The following SLC39A14 variants were observed in gnomAD, a reference collection of about 807,000 sequenced individuals.
SLC39A14 encodes the protein metal cation symporter ZIP14.
Under a neutral mutation model 45.5 loss-of-function variants are expected in SLC39A14, and 19 were observed. The ratio of observed to expected loss-of-function variants is 0.42; its 90% confidence interval spans 0.29 to 0.61. SLC39A14 has a LOEUF of 0.61. Ranked by LOEUF, SLC39A14 falls within the 20% of genes least tolerant of loss-of-function variation. The pLI is 0.22. For missense variants in SLC39A14, 447 were observed against 616.5 expected (o/e 0.73, Z 2.91); for synonymous variants, 264 against 251.3 (o/e 1.05, Z -0.48).
Position 22,421,744 on chromosome 8 carries a change from C to T in SLC39A14, c.*2046C>T. ...GCATTCCCAATAGATCCTATCATTC[C>T]TTAAACATAATACCCTTTGTCTTGG... On this transcript the variant is annotated 3_prime_UTR_variant, in exon 9 of 9. Coordinates refer to ENST00000381237, the MANE Select transcript of SLC39A14 (RefSeq NM_001128431.4). 1.0e-6 allele frequency: 1 copy of T among 984,638 alleles called. No homozygotes were observed. Among genetic ancestry groups the T allele is most frequent in the Non-Finnish European group, 1.2e-6 (1 of 829,006 alleles). The allele number at this position is 984,638 out of a possible 1,614,324, so 61.0% of individuals were successfully genotyped here. A position where few individuals can be genotyped will look rare whatever the true frequency, so the allele number is the denominator to read the frequency against.
In SLC39A14 at chr8:22,409,654, T is replaced by C. The variant is rs148191071; in HGVS notation, c.457+1158T>C. 7.2e-3 allele frequency among the ~76,000 whole-genome samples: 1,103 copies of C among 152,350 alleles called. 10 individuals carry two copies. Among genetic ancestry groups the C allele is most frequent in the African/African-American group, 0.025 (1,038 of 41,578 alleles). Reference sequence around the variant, plus strand: ...TCCTCAGCCTCCCAAAGTGCTGGGATTATAGGCTTGCGCCACCGCACCTGG... The same window carrying C: ...TCCTCAGCCTCCCAAAGTGCTGGGACTATAGGCTTGCGCCACCGCACCTGG... On this transcript the variant is annotated intron_variant, in intron 3 of 8. Transcript: ENST00000381237.
In SLC39A14 at chr8:22,414,381, G is replaced by T. The variant is rs371949932; in HGVS notation, c.628-399G>T. ...CATCTCCCTTTGTGTTTACAGGCAGGTCAGCCAGGAACACTAGATAAGATG... is the reference window on the plus strand; with the variant it reads ...CATCTCCCTTTGTGTTTACAGGCAGTTCAGCCAGGAACACTAGATAAGATG... On this transcript the variant is annotated intron_variant, in intron 4 of 8. Transcript: ENST00000381237. 4.6e-5 allele frequency among the ~76,000 whole-genome samples: 7 copies of T among 152,250 alleles called. No homozygotes were observed. In the South Asian group the frequency reaches 8.3e-4, roughly 18 times the overall value.
intron 1 of SLC39A14, among the ~76,000 whole-genome samples, chr8:22,394,525 T>C (rs916784175): frequency 4.6e-5 from 7 of 151,768 alleles, no homozygotes; most frequent in South Asian, 4.2e-4. Context: ...TTCATCGTGT[T>C]AGCCAGGATG....
intron 3 of SLC39A14, among the ~76,000 whole-genome samples, chr8:22,410,503 A>G (rs1835509775): frequency 7.0e-6 from 1 of 142,962 alleles, no homozygotes; most frequent in Non-Finnish European, 1.5e-5. Flanking sequence ...CTGGGCACCA[A>G]GAGCTTATCC....
chr8:22,376,923 C>G (rs990295214), intron 1 of SLC39A14, among the ~76,000 whole-genome samples: 1 of 152,098 alleles, frequency 6.6e-6, no homozygotes, highest in Non-Finnish European at 1.5e-5. Context: ...AGTTATCTTT[C>G]TTTCCCTTTG....
chr8:22,405,020 G>A lies in SLC39A14; in HGVS notation c.270+40G>A, dbSNP rs200871498. The stretch of plus-strand genomic sequence containing the variant: ...TGAGCCAGCAGCTCTGCTCAGCCCC[G>A]TCTCTGGCCTCTCAGGGTTCCCTGT... On this transcript the variant is annotated intron_variant, in intron 2 of 8. Transcript: ENST00000381237. 2,912 of 1,587,286 alleles carry A rather than the reference G, an allele frequency of 1.8e-3. 3 individuals are homozygous for A. The highest frequency in any genetic ancestry group is 2.3e-3 in the Non-Finnish European group (2,647 of 1,164,246).
chr8:22,425,605 C>T (rs1425081426), downstream of SLC39A14, among the ~76,000 whole-genome samples: 1 of 151,568 alleles, frequency 6.6e-6, no homozygotes, highest in Non-Finnish European at 1.5e-5. Context: ...TATCAGCCTT[C>T]AGCTAAGTAT....
intron 3 of SLC39A14, among the ~76,000 whole-genome samples, chr8:22,409,223 G>T (rs1002605312): frequency 6.6e-6 from 1 of 152,306 alleles, no homozygotes; most frequent in Non-Finnish European, 1.5e-5. Flanking sequence ...TCCAGCCACA[G>T]TGGGCTTGCC....
At chr8:22,371,190 G>A (rs1010437173) in intron 1 of SLC39A14, among the ~76,000 whole-genome samples, 2 of 152,156 alleles carry the variant, frequency 1.3e-5, no homozygotes, top group African/African-American at 2.4e-5. Flanking sequence ...ATGGGAAACC[G>A]AATTCTCCGC....
At chr8:22,369,480 TG>T (rs1485244830) in intron 1 of SLC39A14, among the ~76,000 whole-genome samples, 2 of 152,232 alleles carry the variant, frequency 1.3e-5, no homozygotes, top group Non-Finnish European at 2.9e-5. Context: ...TGCTGGGCTC[TG>T]CAGTGGCCAC....
chr8:22,374,059 A>G (rs1340853699), intron 1 of SLC39A14, among the ~76,000 whole-genome samples: 1 of 152,244 alleles, frequency 6.6e-6, no homozygotes, highest in Non-Finnish European at 1.5e-5. Context: ...GGCGTGAGCC[A>G]CCGTGCCCAG....
intron 8 of SLC39A14, among the ~76,000 whole-genome samples, chr8:22,418,752 CT>C (rs2132375034): frequency 6.6e-6 from 1 of 152,254 alleles, no homozygotes; most frequent in African/African-American, 2.4e-5. Context: ...TGGTCTTGAA[CT>C]TGTGGCCTCA....
chr8:22,399,264 A>T (rs1834709549), intron 1 of SLC39A14, among the ~76,000 whole-genome samples: 1 of 152,182 alleles, frequency 6.6e-6, no homozygotes, highest in African/African-American at 2.4e-5. Context: ...CAGCGGCGTC[A>T]ACAGCTGTGT....
intron 1 of SLC39A14, among the ~76,000 whole-genome samples, chr8:22,393,793 C>T (rs1223783960): frequency 2.6e-5 from 4 of 152,026 alleles, no homozygotes; most frequent in Non-Finnish European, 5.9e-5. Context: ...CACCTCAGGC[C>T]TCCTCAGTAG....
rs1836266883 is a variant in SLC39A14 at position 22,422,232 on chromosome 8, T to C, written c.*2534T>C. 1 of 985,380 alleles carries C rather than the reference T, an allele frequency of 1.0e-6. No homozygotes were observed. Among genetic ancestry groups the C allele is most frequent in the African/African-American group, 1.7e-5 (1 of 57,242 alleles). 61.0% of individuals were successfully genotyped at this position (985,380 alleles called of 1,614,324 possible). A position where few individuals can be genotyped will look rare whatever the true frequency, so the allele number is the denominator to read the frequency against. On this transcript the variant is annotated 3_prime_UTR_variant, in exon 9 of 9. Transcript: ENST00000381237. ...CCTATTAATAAGTTAGCAAGGAAAG[T>C]GTATGTCACGTGCAGGAACAGTGAG... is the stretch of plus-strand genomic sequence containing the variant.
chr8:22,423,567 C>T (rs1836325652), downstream of SLC39A14, among the ~76,000 whole-genome samples: 1 of 152,086 alleles, frequency 6.6e-6, no homozygotes, highest in Non-Finnish European at 1.5e-5. Context: ...GATCTCCTGA[C>T]CTCGTGATCC....
intron 3 of SLC39A14, chr8:22,410,088 T>C (rs1483061726): frequency 1.9e-6 from 3 of 1,614,062 alleles, no homozygotes; most frequent in African/African-American, 1.3e-5. Flanking sequence ...CGCTGCTGTC[T>C]AACGCGCTAT....
intron 7 of SLC39A14, 111 bp downstream of exon 7, chr8:22,416,391 A>G: frequency 3.5e-6 from 3 of 869,562 alleles, no homozygotes; most frequent in Non-Finnish European, 5.5e-6. Flanking sequence ...GCTTATTGTA[A>G]CTGATTTAAC....
downstream of SLC39A14, among the ~76,000 whole-genome samples, chr8:22,425,900 G>GTT (rs201657706): frequency 3.3e-5 from 3 of 90,948 alleles, no homozygotes; most frequent in South Asian, 4.3e-4. Context: ...TTTTTTTTTT[G>GTT]TTTTTTTTTG....
Sources: gnomAD v4.1 joint callset for allele counts (sites outside exome capture counted in the v4.1 genomes callset) on GRCh38, gnomAD v4.1.1 for gene constraint, MANE v1.5 for transcripts, NCBI Gene and HGNC (gene_info 2026-07-23, HGNC 2026-07-21) for gene names.